The following LRRC72 variants were observed in gnomAD, a reference collection of about 807,000 sequenced individuals.
LRRC72 encodes the protein leucine-rich repeat-containing protein 72.
Under a neutral mutation model 35.8 loss-of-function variants are expected in LRRC72, and 41 were observed. The observed-to-expected ratio is 1.15, with a 90% CI of 0.89 to 1.49. The LOEUF (loss-of-function observed/expected upper bound fraction) is 1.49. LRRC72 is among the 40% of genes most tolerant of loss of function. The probability of loss-of-function intolerance (pLI) is 0.00; values close to 1 mark genes in which losing one functional copy is unlikely to be tolerated. For missense variants in LRRC72, 389 were observed against 330.7 expected (o/e 1.18, Z -1.37); for synonymous variants, 118 against 119.2 (o/e 0.99, Z 0.07).
At chr7:16,554,281 G>C (rs1435744095) in intron 3 of LRRC72, among the ~76,000 whole-genome samples, 1 of 152,216 alleles carries the variant, frequency 6.6e-6, no homozygotes, top group Non-Finnish European at 1.5e-5. Flanking sequence ...AGTGAGCAGA[G>C]ATTGCACCAT....
chr7:16,557,466 T>G, intron 4 of LRRC72, 25 bp downstream of exon 4: 1 of 963,952 alleles, frequency 1.0e-6, no homozygotes, highest in African/African-American at 1.7e-5. Flanking sequence ...CTCTGTTGAT[T>G]TAATAAATTT....
chr7:16,567,385 TA>T lies in LRRC72; in HGVS notation c.518-5del. 1 of 1,467,616 alleles carries T rather than the reference TA, an allele frequency of 6.8e-7. No individual in the cohort carries two copies. The highest frequency in any genetic ancestry group is 9.1e-7 in the Non-Finnish European group (1 of 1,103,406). 90.9% of individuals were successfully genotyped at this position (1,467,616 alleles called of 1,614,324 possible). A position where few individuals can be genotyped will look rare whatever the true frequency, so the allele number is the denominator to read the frequency against. ...ATGCAATAACATTACTTTTTGCATT[TA>T]TCAGAAGTTACAGAAAAAGAAAGAA... On this transcript the variant is annotated splice_polypyrimidine_tract_variant and splice_region_variant and intron_variant, in intron 6 of 8. Coordinates refer to ENST00000401542, the MANE Select transcript of LRRC72 (RefSeq NM_001195280.2).
chr7:16,527,886 A>G (rs1356893977), intron 1 of LRRC72, among the ~76,000 whole-genome samples: 1 of 151,974 alleles, frequency 6.6e-6, no homozygotes, highest in Non-Finnish European at 1.5e-5. Flanking sequence ...GCCATTTTCA[A>G]ACATTTTTTT....
chr7:16,535,466 C>A (rs775934742), intron 2 of LRRC72, among the ~76,000 whole-genome samples: 1 of 152,098 alleles, frequency 6.6e-6, no homozygotes, highest in African/African-American at 2.4e-5. Context: ...AGAATAAGAA[C>A]ATTAGGAAAA....
chr7:16,550,858 T>G (rs555378808), intron 3 of LRRC72, among the ~76,000 whole-genome samples: 1 of 152,374 alleles, frequency 6.6e-6, no homozygotes, highest in South Asian at 2.1e-4. Context: ...TATATTGTTA[T>G]GACAAAGTAT....
chr7:16,576,142 C>A (rs1783036203), intron 7 of LRRC72, among the ~76,000 whole-genome samples: 2 of 152,182 alleles, frequency 1.3e-5, no homozygotes, highest in African/African-American at 4.8e-5. Context: ...CCACAAAAGG[C>A]CGCTATATCA....
At chr7:16,533,968 C>A (rs1198911727) in intron 2 of LRRC72, among the ~76,000 whole-genome samples, 2 of 152,150 alleles carry the variant, frequency 1.3e-5, no homozygotes, top group Non-Finnish European at 2.9e-5. Context: ...ATAAGAGTAG[C>A]TTTAAAATAC....
intron 5 of LRRC72, among the ~76,000 whole-genome samples, chr7:16,564,719 T>G (rs1411076588): frequency 6.6e-6 from 1 of 152,196 alleles, no homozygotes; most frequent in African/African-American, 2.4e-5. Context: ...AATAGCTATA[T>G]ATAACGCTTT....
At chr7:16,558,479 G>A (rs1445359463) in intron 4 of LRRC72, among the ~76,000 whole-genome samples, 1 of 152,050 alleles carries the variant, frequency 6.6e-6, no homozygotes. Flanking sequence ...GCATGGTGGT[G>A]GACGCCTGTA....
chr7:16,529,109 T>G (rs1782120632), intron 1 of LRRC72, among the ~76,000 whole-genome samples: 1 of 152,198 alleles, frequency 6.6e-6, no homozygotes, highest in Non-Finnish European at 1.5e-5. Context: ...ACTGATTAAG[T>G]ACACACTTCT....
At chr7:16,552,622 A>G (rs893247554) in intron 3 of LRRC72, among the ~76,000 whole-genome samples, 1 of 152,216 alleles carries the variant, frequency 6.6e-6, no homozygotes, top group African/African-American at 2.4e-5. Flanking sequence ...TCTTTAAAAA[A>G]CATAAGAACA....
chr7:16,552,191 T>C (rs1279253362), intron 3 of LRRC72, among the ~76,000 whole-genome samples: 1 of 152,248 alleles, frequency 6.6e-6, no homozygotes, highest in Non-Finnish European at 1.5e-5. Flanking sequence ...TGAGTTGTTA[T>C]GAAGCATAAT....
At chr7:16,579,380 T>A (rs1043004839) in intron 7 of LRRC72, among the ~76,000 whole-genome samples, 1 of 152,154 alleles carries the variant, frequency 6.6e-6, no homozygotes, top group African/African-American at 2.4e-5. Flanking sequence ...GCAGAGAGGC[T>A]TTGTGGTCGC....
intron 3 of LRRC72, among the ~76,000 whole-genome samples, chr7:16,556,609 T>C (rs1782654464): frequency 6.6e-6 from 1 of 152,084 alleles, no homozygotes; most frequent in Admixed American, 6.5e-5. Flanking sequence ...ATCTGTTTAC[T>C]AGAAGGGCAG....
chr7:16,551,056 CAG>C (rs988331579), intron 3 of LRRC72, among the ~76,000 whole-genome samples: 1 of 152,086 alleles, frequency 6.6e-6, no homozygotes, highest in Non-Finnish European at 1.5e-5. Context: ...TATGTGGAAA[CAG>C]GGCATTTAAA....
intron 1 of LRRC72, among the ~76,000 whole-genome samples, chr7:16,528,699 T>C (rs147684461): frequency 4.6e-5 from 7 of 152,254 alleles, no homozygotes; most frequent in South Asian, 2.1e-4. Flanking sequence ...CAGGCCCCCA[T>C]ACACATCACT....
rs760618110 is a variant in LRRC72 at position 16,552,035 on chromosome 7, CT to C, written c.235-5324del. 3.9e-5 allele frequency among the ~76,000 whole-genome samples: 6 copies of C among 152,178 alleles called. 1 individual carries two copies. Among genetic ancestry groups the C allele is most frequent in the Non-Finnish European group, 8.8e-5 (6 of 68,032 alleles). On this transcript the variant is annotated intron_variant, in intron 3 of 8. Transcript: ENST00000401542. ...CTGGAGGACACACAGTTGGTGTCTG[CT>C]GCATAATTAATTGCTTGCATGGTAT...
intron 7 of LRRC72, among the ~76,000 whole-genome samples, chr7:16,569,033 G>A (rs1463936132): frequency 1.3e-5 from 2 of 152,094 alleles, no homozygotes; most frequent in African/African-American, 4.8e-5. Flanking sequence ...AAAAGTTAAA[G>A]AATATTAAAA....
In LRRC72 at chr7:16,571,462, C is replaced by T. The variant is rs1358282718; in HGVS notation, c.670+3919C>T. On this transcript the variant is annotated intron_variant, in intron 7 of 8. Transcript: ENST00000401542. ...CTCTGAGCGAGATCCACACAGAAGG[C>T]GAGTGATTTCTGCATTTCCAACCGA... Among the ~76,000 whole-genome samples the T allele has an allele frequency of 2.6e-5, 4 of 152,274 alleles. No homozygotes were observed. The East Asian group carries it at 7.7e-4, about 29-fold the overall frequency.
Sources: allele counts gnomAD v4.1 joint callset (sites outside exome capture counted in the v4.1 genomes callset), GRCh38; gene constraint gnomAD v4.1.1; transcripts MANE v1.5; gene names NCBI Gene and HGNC (gene_info 2026-07-23, HGNC 2026-07-21).